FGGY: variants seen among roughly 807,000 people sequenced by gnomAD.
FGGY encodes FGGY carbohydrate kinase domain-containing protein.
Under a neutral mutation model 71.3 loss-of-function variants are expected in FGGY, and 72 were observed. The ratio of observed to expected loss-of-function variants is 1.01; its 90% CI spans 0.84 to 1.23. The LOEUF is 1.23. Among genes scored for constraint, FGGY ranks in the 50% most tolerant of loss-of-function variants. The pLI is 0.00. For missense variants in FGGY, 668 were observed against 682.3 expected (o/e 0.98, Z 0.23); for synonymous variants, 251 against 250.3 (o/e 1.00, Z -0.02).
At chr1:59,372,451 T>A (rs555658007) in intron 4 of FGGY, among the ~76,000 whole-genome samples, 2 of 152,148 alleles carry the variant, frequency 1.3e-5, no homozygotes, top group African/African-American at 4.8e-5. Flanking sequence ...CAGGACCAGA[T>A]GGATTCACAG....
At chr1:59,719,067 C>T (rs2097865356) in intron 14 of FGGY, among the ~76,000 whole-genome samples, 1 of 152,168 alleles carries the variant, frequency 6.6e-6, no homozygotes, top group Non-Finnish European at 1.5e-5. Context: ...AGAGCCATCC[C>T]CACTAGACTT....
At chr1:59,296,667 A>ACG (rs2041996040), upstream of FGGY, 14 of 122,222 alleles carry the variant, frequency 1.1e-4, 1 homozygote, top group African/African-American at 4.3e-4. Flanking sequence ...CGCGCTTTAC[A>ACG]GGGGCCGCGC....
At chr1:59,632,330 G>T (rs1298453718) in intron 10 of FGGY, among the ~76,000 whole-genome samples, 1 of 152,138 alleles carries the variant, frequency 6.6e-6, no homozygotes, top group Non-Finnish European at 1.5e-5. Flanking sequence ...CCTTAATGTT[G>T]TCTTTGTTGT....
chr1:59,673,878 C>T, intron 13 of FGGY, 161 bp from the exon 14 acceptor site: 1 of 604,184 alleles, frequency 1.7e-6, no homozygotes, highest in Non-Finnish European at 3.0e-6. Context: ...CTTTTAGAAC[C>T]AAATAATCCC....
At chr1:59,417,642 TAGTG>T (rs1251306244) in intron 5 of FGGY, among the ~76,000 whole-genome samples, 3 of 152,198 alleles carry the variant, frequency 2.0e-5, no homozygotes, top group African/African-American at 7.2e-5. Context: ...ATAACCATCT[TAGTG>T]GGTGTGAAGT....
At chr1:59,378,642 T>C (rs2153330725) in intron 4 of FGGY, 107 bp from the exon 5 acceptor site, 1 of 862,866 alleles carries the variant, frequency 1.2e-6, no homozygotes, top group East Asian at 2.7e-5. Flanking sequence ...GATGTTTCAA[T>C]GGGCATTGTT....
At chr1:59,370,449 C>G (rs576699957) in intron 4 of FGGY, among the ~76,000 whole-genome samples, 1 of 152,148 alleles carries the variant, frequency 6.6e-6, no homozygotes, top group Non-Finnish European at 1.5e-5. Context: ...CTGAAAGTGA[C>G]GGGGAGAATG....
chr1:59,325,506 C>A (rs1412596254), intron 2 of FGGY, among the ~76,000 whole-genome samples: 2 of 152,150 alleles, frequency 1.3e-5, no homozygotes, highest in Middle Eastern at 3.2e-3. Context: ...CTCTACTGTC[C>A]AGAGCCCACC....
intron 15 of FGGY, among the ~76,000 whole-genome samples, chr1:59,762,122 G>C (rs1433702355): frequency 6.6e-6 from 1 of 150,636 alleles, no homozygotes; most frequent in Non-Finnish European, 1.5e-5. Context: ...CTGGAGCGAA[G>C]TGGTGCAACT....
intron 11 of FGGY, among the ~76,000 whole-genome samples, chr1:59,655,028 C>T (rs2097205382): frequency 6.6e-6 from 1 of 151,952 alleles, no homozygotes; most frequent in Admixed American, 6.6e-5. Flanking sequence ...ATGCCTGTAC[C>T]TTTAACATTA....
chr1:59,723,369 T>A (rs1381140818), intron 14 of FGGY, among the ~76,000 whole-genome samples: 1 of 152,196 alleles, frequency 6.6e-6, no homozygotes, highest in African/African-American at 2.4e-5. Context: ...CTCTCCTTGC[T>A]TATATTTAAA....
At chr1:59,731,579 GGTTA>G (rs769280101) in intron 14 of FGGY, among the ~76,000 whole-genome samples, 12 of 151,710 alleles carry the variant, frequency 7.9e-5, no homozygotes, top group Non-Finnish European at 1.5e-4. Flanking sequence ...GAAGCAGTGG[GGTTA>G]GTTGTTTTTT....
chr1:59,732,621 G>C (rs994421560), intron 14 of FGGY, among the ~76,000 whole-genome samples: 1 of 151,932 alleles, frequency 6.6e-6, no homozygotes, highest in Non-Finnish European at 1.5e-5. Context: ...TGAGAGAAAA[G>C]GGGGGTCAGA....
At chr1:59,415,723 G>A (rs1259498619) in intron 5 of FGGY, among the ~76,000 whole-genome samples, 1 of 152,184 alleles carries the variant, frequency 6.6e-6, no homozygotes, top group Non-Finnish European at 1.5e-5. Flanking sequence ...GTCCAGGACT[G>A]AATTTTATTC....
chr1:59,732,606 TC>T (rs1244000531), intron 14 of FGGY, among the ~76,000 whole-genome samples: 3 of 151,500 alleles, frequency 2.0e-5, no homozygotes, highest in Non-Finnish European at 4.4e-5. Flanking sequence ...TCCTCTACCT[TC>T]TGCTGAGAGA....
intron 6 of FGGY, among the ~76,000 whole-genome samples, chr1:59,487,155 C>A (rs945983812): frequency 6.6e-6 from 1 of 152,018 alleles, no homozygotes. Flanking sequence ...AAATAGAAAC[C>A]GAAGCCAACC....
At chr1:59,694,623 A>G (rs1165216932) in intron 14 of FGGY, among the ~76,000 whole-genome samples, 2 of 152,078 alleles carry the variant, frequency 1.3e-5, no homozygotes, top group East Asian at 3.9e-4. Flanking sequence ...CTTCTTCGAT[A>G]TATTAAAAAG....
rs145231219 is a variant in FGGY, at chr1:59,498,199, C to T, written c.671-14112C>T. ...AGAATTTATTATCATTCAACTTTCA[C>T]AACCCTAAAATATGTGTATTTTACA... On this transcript the variant is annotated intron_variant, in intron 6 of 15. Coordinates refer to ENST00000303721, the MANE Select transcript of FGGY (RefSeq NM_018291.5). 2.3e-3 allele frequency among the ~76,000 whole-genome samples: 326 copies of T among 141,620 alleles called. 1 individual carries two copies. Among genetic ancestry groups the T allele is most frequent in the African/African-American group, 8.6e-3 (319 of 37,132 alleles). The allele number at this position is 141,620 out of a possible 152,430, so 92.9% of individuals were successfully genotyped here. A position where few individuals can be genotyped will look rare whatever the true frequency, so the allele number is the denominator to read the frequency against.
chr1:59,508,608 G>T (rs899959465), intron 6 of FGGY, among the ~76,000 whole-genome samples: 1 of 152,172 alleles, frequency 6.6e-6, no homozygotes, highest in Admixed American at 6.5e-5. Context: ...TTTTGAAGGG[G>T]TGATTTCTCA....
Sources: allele counts gnomAD v4.1 joint callset (sites outside exome capture counted in the v4.1 genomes callset), GRCh38; gene constraint gnomAD v4.1.1; transcripts MANE v1.5; gene names NCBI Gene and HGNC (gene_info 2026-07-23, HGNC 2026-07-21).